NCKAP5: variants seen among roughly 807,000 people sequenced by gnomAD.
NCKAP5 encodes the protein NCK associated protein 5, also known as nck-associated protein 5.
NCKAP5 carries 92 observed loss-of-function variants against 167.0 expected under a neutral mutation model. The observed-to-expected ratio is 0.55, with a 90% CI of 0.47 to 0.66. The LOEUF (loss-of-function observed/expected upper bound fraction) is 0.66. Ranked by LOEUF, NCKAP5 falls within the 30% of genes least tolerant of loss-of-function variation. The pLI is 0.00. For missense variants in NCKAP5, 2,378 were observed against 2,315.0 expected (o/e 1.03, Z -0.56); for synonymous variants, 891 against 877.4 (o/e 1.02, Z -0.27).
intron 18 of NCKAP5, among the ~76,000 whole-genome samples, chr2:132,728,101 C>G (rs1690641106): frequency 6.6e-6 from 1 of 152,310 alleles, no homozygotes; most frequent in Admixed American, 6.5e-5. Context: ...TTCTCACCAC[C>G]AGGCACCAGG....
chr2:132,684,645 T>C (rs1266032436), intron 19 of NCKAP5, among the ~76,000 whole-genome samples: 1 of 152,142 alleles, frequency 6.6e-6, no homozygotes, highest in Non-Finnish European at 1.5e-5. Context: ...TGCCTTTTGG[T>C]CTATGTAATA....
At chr2:133,405,979 G>A (rs891885968) in intron 3 of NCKAP5, among the ~76,000 whole-genome samples, 1 of 152,228 alleles carries the variant, frequency 6.6e-6, no homozygotes, top group East Asian at 1.9e-4. Flanking sequence ...TCAAAATTCA[G>A]GGGAATAATT....
intron 6 of NCKAP5, among the ~76,000 whole-genome samples, chr2:133,079,955 T>C (rs1054637457): frequency 1.7e-4 from 26 of 152,160 alleles, no homozygotes; most frequent in African/African-American, 6.3e-4. Flanking sequence ...GCAAACACTA[T>C]TGTAATAGCC....
intron 3 of NCKAP5, among the ~76,000 whole-genome samples, chr2:133,444,023 C>A (rs986855792): frequency 1.3e-5 from 2 of 152,118 alleles, no homozygotes; most frequent in African/African-American, 4.8e-5. Context: ...GTTAAGTGCA[C>A]AAATATTGTT....
chr2:133,022,281 GA>G (rs2078554387), intron 6 of NCKAP5, among the ~76,000 whole-genome samples: 1 of 152,192 alleles, frequency 6.6e-6, no homozygotes, highest in Non-Finnish European at 1.5e-5. Context: ...TTTTGTAAAA[GA>G]AATTGACATC....
chr2:132,919,185 G>A (rs535883253), intron 8 of NCKAP5, among the ~76,000 whole-genome samples: 1 of 152,314 alleles, frequency 6.6e-6, no homozygotes, highest in Admixed American at 6.5e-5. Flanking sequence ...GGTGGAATGG[G>A]AGTGGTGATA....
intron 8 of NCKAP5, among the ~76,000 whole-genome samples, chr2:132,952,745 G>T (rs1412887169): frequency 6.6e-6 from 1 of 152,192 alleles, no homozygotes; most frequent in Non-Finnish European, 1.5e-5. Context: ...GATGATGGTA[G>T]AACTTCAATT....
intron 4 of NCKAP5, among the ~76,000 whole-genome samples, chr2:133,242,241 T>C (rs1366018886): frequency 1.4e-5 from 2 of 147,918 alleles, no homozygotes; most frequent in East Asian, 3.9e-4. Flanking sequence ...ATACTCTGTT[T>C]TTCTTTTCTT....
the NCKAP5 span, among the ~76,000 whole-genome samples, chr2:133,591,005 G>A: frequency 6.6e-6 from 1 of 152,110 alleles, no homozygotes; most frequent in African/African-American, 2.4e-5. Flanking sequence ...CGGGTTGTGT[G>A]TTTGTGTGAG....
chr2:133,250,562 A>C (rs1190345552), intron 4 of NCKAP5, among the ~76,000 whole-genome samples: 5 of 152,200 alleles, frequency 3.3e-5, no homozygotes, highest in Non-Finnish European at 7.4e-5. Flanking sequence ...TGCTCTCCTG[A>C]GGTTCTCACT....
intron 3 of NCKAP5, among the ~76,000 whole-genome samples, chr2:133,463,421 G>T (rs1351384977): frequency 1.3e-5 from 2 of 152,220 alleles, no homozygotes; most frequent in Admixed American, 1.3e-4. Context: ...AATCCACTCT[G>T]AACATTCCTT....
At chr2:133,545,714 T>A (rs1015804787) in intron 2 of NCKAP5, among the ~76,000 whole-genome samples, 9 of 152,072 alleles carry the variant, frequency 5.9e-5, no homozygotes, top group Non-Finnish European at 1.2e-4. Context: ...CATTTTGAAG[T>A]TATGTGTGAG....
At chr2:132,673,795 A>G (rs1684066802) in intron 19 of NCKAP5, among the ~76,000 whole-genome samples, 1 of 152,004 alleles carries the variant, frequency 6.6e-6, no homozygotes, top group Non-Finnish European at 1.5e-5. Flanking sequence ...CCATTTTAGT[A>G]TTTTGTCCCT....
At chr2:132,753,022 C>T (rs544370162) in intron 16 of NCKAP5, among the ~76,000 whole-genome samples, 96 of 152,288 alleles carry the variant, frequency 6.3e-4, no homozygotes, top group African/African-American at 2.2e-3. Flanking sequence ...TAAGAAGGCA[C>T]CATCTGATTT....
intron 11 of NCKAP5, among the ~76,000 whole-genome samples, chr2:132,860,011 T>C (rs1358285616): frequency 6.6e-6 from 1 of 152,028 alleles, no homozygotes; most frequent in East Asian, 1.9e-4. Flanking sequence ...AATACTGAGA[T>C]AGAAACAGGA....
At chr2:133,137,476 G>A (rs1186853671) in intron 5 of NCKAP5, among the ~76,000 whole-genome samples, 1 of 150,522 alleles carries the variant, frequency 6.6e-6, no homozygotes, top group African/African-American at 2.4e-5. Context: ...GAGAAAGGGT[G>A]AGATAAATAA....
At chr2:133,104,993 A>T (rs1574043115) in intron 6 of NCKAP5, among the ~76,000 whole-genome samples, 1 of 151,888 alleles carries the variant, frequency 6.6e-6, no homozygotes, top group East Asian at 1.9e-4. Flanking sequence ...GCCTGCTCAC[A>T]CTCTCTCCCG....
intron 6 of NCKAP5, among the ~76,000 whole-genome samples, chr2:133,022,555 AG>A (rs2078563110): frequency 6.6e-6 from 1 of 152,094 alleles, no homozygotes; most frequent in Non-Finnish European, 1.5e-5. Flanking sequence ...TCAAGTAGGG[AG>A]GTCTGACTCA....
At chr2:132,793,888 C>T (rs1436814119) in intron 12 of NCKAP5, among the ~76,000 whole-genome samples, 1 of 152,126 alleles carries the variant, frequency 6.6e-6, no homozygotes, top group African/African-American at 2.4e-5. Flanking sequence ...TCCCTGACAT[C>T]CTGGCTGCAA....
Sources: allele counts gnomAD v4.1 joint callset (sites outside exome capture counted in the v4.1 genomes callset), GRCh38; gene constraint gnomAD v4.1.1; transcripts MANE v1.5; gene names NCBI Gene and HGNC (gene_info 2026-07-23, HGNC 2026-07-21).